The following CADPS2 variants were observed in gnomAD, a reference collection of about 807,000 sequenced individuals.
CADPS2 encodes the protein calcium-dependent secretion activator 2.
In CADPS2, 93 loss-of-function variants were observed where a neutral mutation model predicts 172.5. The ratio of observed to expected loss-of-function variants is 0.54; its 90% CI spans 0.46 to 0.64. The LOEUF (loss-of-function observed/expected upper bound fraction) is 0.64, where lower values mean the gene tolerates loss of function less well. Among genes scored for constraint, CADPS2 ranks in the 30% least tolerant of loss-of-function variants. The probability of loss-of-function intolerance (pLI) is 0.00; values close to 1 mark genes in which losing one functional copy is unlikely to be tolerated. For synonymous variants in CADPS2, 546 were observed against 555.2 expected (o/e 0.98, Z 0.23); for missense variants, 1,420 against 1,565.9 (o/e 0.91, Z 1.57).
rs201174725 is a variant in CADPS2, at chr7:122,388,681, A to G, written c.3066T>C (p.Phe1022=). 1.4e-5 allele frequency: 22 copies of G among 1,610,796 alleles called. No individual in the cohort carries two copies. The African/African-American group carries it at 2.5e-4, about 19-fold the overall frequency. ...LFWKLDALQM[F]VFDLHWPEQE... is the part of the protein sequence containing the mutation. ...GTTCTGGCCAGTGCAGATCAAAGAC[A>G]AACATTTGCAGTGCATCAAGCTTCC... The change falls in exon 23 of 30, where the codon TTT becomes TTC. Residue 1022 remains phenylalanine (F), a synonymous_variant. Transcript: ENST00000449022.
At chr7:122,816,929 TTCCTGGCTCA>T (rs577291563) in intron 1 of CADPS2, among the ~76,000 whole-genome samples, 37 of 151,902 alleles carry the variant, frequency 2.4e-4, no homozygotes, top group African/African-American at 8.3e-4. Flanking sequence ...GAAAGTCCTT[TTCCTGGCTCA>T]TCCTGGCTCA....
rs571509091 is a variant in CADPS2 at position 122,809,291 on chromosome 7, C to T, written c.340-72223G>A. Among the ~76,000 whole-genome samples, 13 of 152,066 alleles carry T rather than the reference C, an allele frequency of 8.5e-5. No homozygotes were observed. In the East Asian group the frequency reaches 9.7e-4, roughly 11 times the overall value. On this transcript the variant is annotated intron_variant, in intron 1 of 29. Coordinates refer to ENST00000449022, the MANE Select transcript of CADPS2 (RefSeq NM_017954.11). ...ACAATCATCCATAGACTGCCTCAGC[C>T]GGGCGCAGTGGCTCACGCCTATAAT...
chr7:122,822,805 A>C (rs1268569452), intron 1 of CADPS2, among the ~76,000 whole-genome samples: 22 of 131,266 alleles, frequency 1.7e-4, no homozygotes, highest in African/African-American at 2.6e-4. Context: ...TGCGACCCCC[A>C]CTCCTGCCCG....
chr7:122,630,367 T>C (rs1283858343), intron 3 of CADPS2, among the ~76,000 whole-genome samples: 3 of 148,542 alleles, frequency 2.0e-5, no homozygotes, highest in African/African-American at 5.0e-5. Context: ...AGGCAATTTA[T>C]ATGAAGAGTC....
intron 2 of CADPS2, chr7:122,681,725 TAAA>T: frequency 1.8e-6 from 1 of 568,640 alleles, no homozygotes; most frequent in South Asian, 2.9e-5. Flanking sequence ...ATGGAAATTG[TAAA>T]AAAATAATAA....
intron 2 of CADPS2, among the ~76,000 whole-genome samples, chr7:122,682,121 T>G (rs542287621): frequency 2.0e-5 from 3 of 152,186 alleles, no homozygotes; most frequent in East Asian, 3.9e-4. Context: ...ACCTTGTACT[T>G]ATGAGACTGA....
chr7:122,374,316 T>C (rs1188179367), intron 25 of CADPS2, among the ~76,000 whole-genome samples: 1 of 152,114 alleles, frequency 6.6e-6, no homozygotes, highest in Non-Finnish European at 1.5e-5. Flanking sequence ...AAAAAATAAC[T>C]TTTTTCTCTA....
At chr7:122,502,142 T>C (rs1407120702) in intron 9 of CADPS2, among the ~76,000 whole-genome samples, 1 of 152,104 alleles carries the variant, frequency 6.6e-6, no homozygotes, top group East Asian at 1.9e-4. Context: ...TAGCAAATAA[T>C]TCAAGGTAGT....
intron 25 of CADPS2, among the ~76,000 whole-genome samples, chr7:122,377,889 G>A (rs1234154897): frequency 6.6e-6 from 1 of 151,968 alleles, no homozygotes; most frequent in African/African-American, 2.4e-5. Context: ...CTTTGTGGTT[G>A]TTTTCCACTC....
chr7:122,750,165 C>T (rs961626656), intron 1 of CADPS2, among the ~76,000 whole-genome samples: 2 of 152,110 alleles, frequency 1.3e-5, no homozygotes, highest in Admixed American at 1.3e-4. Flanking sequence ...TGCTACACTG[C>T]TGAGTCTCAA....
chr7:122,706,887 T>G (rs1016718662), intron 2 of CADPS2, among the ~76,000 whole-genome samples: 2 of 151,144 alleles, frequency 1.3e-5, no homozygotes, highest in African/African-American at 4.9e-5. Flanking sequence ...TCAATGTCTC[T>G]TTGGCTAGAA....
intron 1 of CADPS2, among the ~76,000 whole-genome samples, chr7:122,791,934 A>C (rs1364141433): frequency 6.6e-6 from 1 of 152,194 alleles, no homozygotes; most frequent in African/African-American, 2.4e-5. Context: ...TTTTATGTTA[A>C]TTTTTGATGT....
chr7:122,827,183 T>C (rs1444260097), intron 1 of CADPS2, among the ~76,000 whole-genome samples: 1 of 151,962 alleles, frequency 6.6e-6, no homozygotes, highest in Non-Finnish European at 1.5e-5. Context: ...TACAGAAAAA[T>C]GTACCAATTC....
intron 6 of CADPS2, among the ~76,000 whole-genome samples, chr7:122,591,638 G>C (rs1587658229): frequency 6.6e-6 from 1 of 152,038 alleles, no homozygotes; most frequent in Non-Finnish European, 1.5e-5. Flanking sequence ...CCAAAACAGA[G>C]ATATAGACCA....
chr7:122,594,913 G>A (rs1202664617), intron 6 of CADPS2, among the ~76,000 whole-genome samples: 1 of 151,912 alleles, frequency 6.6e-6, no homozygotes, highest in Admixed American at 6.6e-5. Flanking sequence ...AGTAATTGAT[G>A]TATAACTTAA....
chr7:122,728,333 A>C (rs2091307919), intron 2 of CADPS2, among the ~76,000 whole-genome samples: 1 of 151,896 alleles, frequency 6.6e-6, no homozygotes, highest in African/African-American at 2.4e-5. Flanking sequence ...TCAATAAACA[A>C]CTGCAATTAT....
Position 122,886,028 on chromosome 7 carries a change from G to T in CADPS2, c.310C>A (p.Pro104Thr). 6.2e-7 allele frequency: 1 copy of T among 1,608,126 alleles called. No individual in the cohort carries two copies. The highest frequency in any genetic ancestry group is 8.5e-7 in the Non-Finnish European group (1 of 1,177,680). ...CIAYPFNAKQ[P>T]TDMARRQQKL... ...TGCTGCCTCCGGGCCATGTCGGTGG[G>T]CTGCTTGGCGTTGAAGGGGTACGCG... is the stretch of plus-strand genomic sequence containing the variant. Residue 104 changes from proline to threonine, a missense_variant, in exon 1 of 30, where the codon CCC (proline) becomes ACC (threonine). Transcript: ENST00000449022.
intron 25 of CADPS2, among the ~76,000 whole-genome samples, chr7:122,361,742 A>C (rs141676886): frequency 1.6e-4 from 25 of 151,560 alleles, no homozygotes; most frequent in African/African-American, 5.6e-4. Context: ...GCCATCCTTC[A>C]ACTTTTTCTA....
intron 2 of CADPS2, among the ~76,000 whole-genome samples, chr7:122,717,629 C>G (rs1318740450): frequency 1.3e-5 from 2 of 152,124 alleles, no homozygotes; most frequent in East Asian, 1.9e-4. Context: ...AGAAAATCTT[C>G]TTATACAACC....
Sources: gnomAD v4.1 joint callset for allele counts (sites outside exome capture counted in the v4.1 genomes callset) on GRCh38, gnomAD v4.1.1 for gene constraint, MANE v1.5 for transcripts, NCBI Gene and HGNC (gene_info 2026-07-23, HGNC 2026-07-21) for gene names.